The following PAX6 variants were observed in gnomAD, a reference collection of about 807,000 sequenced individuals.
The protein encoded by PAX6 is paired box 6, also known as paired box protein Pax-6.
PAX6 carries 7 observed loss-of-function variants against 60.7 expected under a neutral mutation model. The ratio of observed to expected loss-of-function variants is 0.12; its 90% CI spans 0.07 to 0.22. The LOEUF is 0.22. Among genes scored for constraint, PAX6 ranks in the 10% least tolerant of loss-of-function variants. The probability of loss-of-function intolerance (pLI) is 1.00; values close to 1 mark genes in which losing one functional copy is unlikely to be tolerated. For missense variants in PAX6, 355 were observed against 555.2 expected, an observed-to-expected ratio of 0.64 and a Z score of 3.62; for synonymous variants, 208 against 201.2, an observed-to-expected ratio of 1.03 and a Z score of -0.29.
chr11:31,794,141 T>C (rs374640199), intron 9 of PAX6, 27 bp from the exon 10 acceptor site: 2 of 1,489,300 alleles, frequency 1.3e-6, no homozygotes, highest in East Asian at 2.3e-5. Flanking sequence ...ATTTTCCATA[T>C]TGTGCCAGAA....
At chr11:31,798,903 G>C (rs1952599291) in intron 8 of PAX6, among the ~76,000 whole-genome samples, 1 of 152,206 alleles carries the variant, frequency 6.6e-6, no homozygotes, top group South Asian at 2.1e-4. Context: ...CGGAAGGGGG[G>C]TGTATCCTGC....
At chr11:31,802,395 A>G in intron 5 of PAX6, 1 of 389,374 alleles carries the variant, frequency 2.6e-6, no homozygotes, top group South Asian at 3.5e-5. Context: ...CGGTTCATAA[A>G]CTGTTCCCAC....
chr11:31,817,133 A>G (rs976770371), intron 1 of PAX6, among the ~76,000 whole-genome samples: 1 of 152,264 alleles, frequency 6.6e-6, no homozygotes, highest in African/African-American at 2.4e-5. Context: ...CAGCGCCCGC[A>G]GTAACCGGAG....
intron 4 of PAX6, chr11:31,804,833 C>A (rs1034663701): frequency 6.6e-6 from 1 of 152,258 alleles, no homozygotes; most frequent in Non-Finnish European, 1.5e-5. Flanking sequence ...TCACTCATTT[C>A]AAAAAATAAC....
chr11:31,797,983 T>A (rs1333809587), intron 8 of PAX6, among the ~76,000 whole-genome samples: 2 of 148,294 alleles, frequency 1.3e-5, no homozygotes, highest in African/African-American at 2.5e-5. Flanking sequence ...TGGAAGGAGG[T>A]GAGAGAGAGA....
upstream of PAX6, chr11:31,814,749 T>C (rs1957290958): frequency 6.6e-6 from 1 of 152,516 alleles, no homozygotes; most frequent in Non-Finnish European, 1.5e-5. Flanking sequence ...CCTTTGTCCC[T>C]CTCCTTTCTC....
Position 31,800,776 on chromosome 11 carries a change from T to C in PAX6, c.480A>G (p.Leu160=). ...TTCCGGTCTGCCCGTTCAACATCCT[T>C]AGTTTATCATACATGCCGTCTGCGC... ...QMGADGMYDK[L]RMLNGQTGSW... is the part of the protein sequence containing the mutation. The change falls in exon 8 of 14, where the codon CTA becomes CTG. Residue 160 remains leucine, a synonymous_variant. Coordinates refer to ENST00000640368, the MANE Select transcript of PAX6 (RefSeq NM_001368894.2). 1.2e-6 allele frequency: 2 copies of C among 1,614,212 alleles called. No individual in the cohort carries two copies. The highest frequency in any genetic ancestry group is 2.7e-5 in the African/African-American group (2 of 75,054).
intron 9 of PAX6, 47 bp downstream of exon 9, chr11:31,794,583 G>A: frequency 6.3e-7 from 1 of 1,590,230 alleles, no homozygotes; most frequent in Non-Finnish European, 8.6e-7. Flanking sequence ...TGAAGATGTG[G>A]CATTTACTTT....
At chr11:31,796,386 G>A (rs1009382875) in intron 8 of PAX6, among the ~76,000 whole-genome samples, 1 of 151,818 alleles carries the variant, frequency 6.6e-6, no homozygotes, top group African/African-American at 2.4e-5. Flanking sequence ...ACTTTTCAGT[G>A]AAGTGTGTTA....
rs1434620816 is a variant in PAX6, at chr11:31,789,892, T to TTAAC, written c.*38_*41dup. Reference sequence around the variant, plus strand: ...TGTGTCCCCATAGTCACTGACTGAATTAACACAATATTTCCTTTCCTTTTT... The same window carrying TTAAC: ...TGTGTCCCCATAGTCACTGACTGAATTAACTAACACAATATTTCCTTTCCTTTTT... On this transcript the variant is annotated 3_prime_UTR_variant, in exon 14 of 14. Coordinates refer to ENST00000640368, the MANE Select transcript of PAX6 (RefSeq NM_001368894.2). The TTAAC allele has an allele frequency of 6.5e-7, 1 of 1,536,370 alleles. No individual in the cohort carries two copies. Among genetic ancestry groups the TTAAC allele is most frequent in the Non-Finnish European group, 8.9e-7 (1 of 1,122,282 alleles).
At chr11:31,809,589 C>A (rs1257870638) in intron 2 of PAX6, among the ~76,000 whole-genome samples, 1 of 152,126 alleles carries the variant, frequency 6.6e-6, no homozygotes, top group Non-Finnish European at 1.5e-5. Context: ...GCTATTATGG[C>A]GCAGGGAGAC....
At chr11:31,803,790 T>C (rs1475463066) in intron 4 of PAX6, 1 of 152,512 alleles carries the variant, frequency 6.6e-6, no homozygotes, top group African/African-American at 2.4e-5. Flanking sequence ...CATCATAGTG[T>C]TCCCCATCCC....
Position 31,801,639 on chromosome 11 carries a change from C to G in PAX6, c.321G>C (p.Glu107Asp). Residue 107 changes from glutamate (E) to aspartate (D), a missense_variant, in exon 7 of 14, where the codon GAG becomes GAC. Transcript: ENST00000640368. ...VVSKIAQYKR[E>D]CPSIFAWEIR... The stretch of plus-strand genomic sequence containing the variant: ...TTTCCCAAGCAAAGATGGACGGGCA[C>G]TCCCGCTTATACTGGGCTATTTTGC... 1 of 1,614,174 alleles carries G rather than the reference C, an allele frequency of 6.2e-7. No individual in the cohort carries two copies. The highest frequency in any genetic ancestry group is 2.2e-5 in the East Asian group (1 of 44,878).
At position 31,793,700 on chromosome 11, in the gene PAX6, T is replaced by C; in HGVS notation, c.910A>G (p.Ser304Gly). Reference protein sequence around the residue: ...NTPSHIPISSSFSTSVYQPIP... With the variant: ...NTPSHIPISSGFSTSVYQPIP... ...GGTTGGTAGACACTGGTGCTGAAAC[T>C]ACTGCTGATAGGAATATGACTAGGT... Residue 304 changes from serine (S) to glycine (G), a missense_variant, in exon 11 of 14, where the codon AGT (serine) becomes GGT (glycine). Physicochemically the swap from Ser to Gly is moderately conservative, Grantham distance 56 (BLOSUM62 0). Around this residue, in one of 5 missense-constraint regions of PAX6, gnomAD observed 149 missense variants for 191.9 expected, o/e 0.78. Coordinates refer to ENST00000640368, the MANE Select transcript of PAX6 (RefSeq NM_001368894.2). The C allele has an allele frequency of 6.2e-7, 1 of 1,614,224 alleles. No homozygotes were observed. The highest frequency in any genetic ancestry group is 8.5e-7 in the Non-Finnish European group (1 of 1,180,018).
At chr11:31,800,566 A>C in intron 8 of PAX6, 125 bp downstream of exon 8, 1 of 1,181,986 alleles carries the variant, frequency 8.5e-7, no homozygotes, top group Non-Finnish European at 1.3e-6. Context: ...CCAGGCCTTC[A>C]AATGCAGTCT....
chr11:31,793,439 T>C lies in PAX6; in HGVS notation c.1073A>G (p.Gln358Arg). 1 of 1,613,874 alleles carries C rather than the reference T, an allele frequency of 6.2e-7. No individual in the cohort carries two copies. Among genetic ancestry groups the C allele is most frequent in the Non-Finnish European group, 8.5e-7 (1 of 1,179,730 alleles). ...CAGGCCACCACCAGCCGCACTTACT[T>C]GCATAGGCAGGTTATTTGCCATGGT... ...SFTMANNLPM[Q>R]PPVPSQTSSY... is the part of the protein sequence containing the mutation. Residue 358 changes from glutamine to arginine, a missense_variant and splice_region_variant, in exon 12 of 14, where the codon CAA becomes CGA. By Grantham distance (43) the Gln-to-Arg change is conservative. Coordinates refer to ENST00000640368, the MANE Select transcript of PAX6 (RefSeq NM_001368894.2).
At chr11:31,809,490 G>A (rs1057153533) in intron 2 of PAX6, 1 of 152,236 alleles carries the variant, frequency 6.6e-6, no homozygotes, top group Non-Finnish European at 1.5e-5. Flanking sequence ...GCTCATGAAT[G>A]AAGAGCCAGG....
chr11:31,803,206 C>T (rs1299332402), intron 4 of PAX6: 7 of 310,202 alleles, frequency 2.3e-5, no homozygotes, highest in Non-Finnish European at 3.8e-5. Flanking sequence ...ACAGCCATAA[C>T]CCCAGCAGTG....
intron 9 of PAX6, chr11:31,794,377 T>C: frequency 1.6e-6 from 1 of 611,894 alleles, no homozygotes; most frequent in Admixed American, 2.8e-5. Context: ...CATTTAGTCT[T>C]TGAATTACTG....
Sources: allele counts gnomAD v4.1 joint callset (sites outside exome capture counted in the v4.1 genomes callset), GRCh38; gene constraint gnomAD v4.1.1; regional missense constraint gnomAD v4.1.1; transcripts MANE v1.5; gene names NCBI Gene and HGNC (gene_info 2026-07-23, HGNC 2026-07-21).